ABL1: variants seen among roughly 807,000 people sequenced by gnomAD.
ABL1 encodes the protein ABL proto-oncogene 1, non-receptor tyrosine kinase, also known as tyrosine-protein kinase ABL1.
Under a neutral mutation model 94.7 loss-of-function variants are expected in ABL1, and 11 were observed. The ratio of observed to expected loss-of-function variants is 0.12; its 90% CI spans 0.07 to 0.19. ABL1 has a LOEUF of 0.19. Among genes scored for constraint, ABL1 ranks in the 10% least tolerant of loss-of-function variants. The pLI is 1.00. For synonymous variants in ABL1, 656 were observed against 622.4 expected, an observed-to-expected ratio of 1.05 and a Z score of -0.80; for missense variants, 1,082 against 1,489.4, an observed-to-expected ratio of 0.73 and a Z score of 4.50.
intron 1 of ABL1, among the ~76,000 whole-genome samples, chr9:130,836,824 CAAAAAAAA>C (rs565723193): frequency 2.6e-5 from 2 of 77,210 alleles, no homozygotes; most frequent in Admixed American, 2.6e-4. Flanking sequence ...GACTCGGTCT[CAAAAAAAA>C]AAAAAAAAAA....
chr9:130,738,508 A>G (rs1316633886), intron 1 of ABL1, among the ~76,000 whole-genome samples: 1 of 152,240 alleles, frequency 6.6e-6, no homozygotes, highest in Admixed American at 6.5e-5. Flanking sequence ...ATATTAAAAC[A>G]TGACATGAGT....
chr9:130,773,965 C>T (rs147016205), intron 1 of ABL1, among the ~76,000 whole-genome samples: 6 of 152,124 alleles, frequency 3.9e-5, no homozygotes, highest in Admixed American at 6.6e-5. Context: ...ACCTCCTTCC[C>T]GGTCCAATAC....
intron 1 of ABL1, among the ~76,000 whole-genome samples, chr9:130,788,260 A>C (rs574584358): frequency 6.6e-6 from 1 of 152,342 alleles, no homozygotes; most frequent in South Asian, 2.1e-4. Context: ...GAGAATTCCT[A>C]CATGTCCTTT....
At chr9:130,810,749 TAG>T (rs141544523) in intron 1 of ABL1, among the ~76,000 whole-genome samples, 8,696 of 149,574 alleles carry the variant, frequency 0.058, 254 homozygotes, top group South Asian at 0.11. Flanking sequence ...AAAATATATA[TAG>T]AGAGAGAAAA....
exon 1 of ABL1, chr9:130,714,364 A>G (rs1397695545): frequency 1.2e-6 from 2 of 1,613,692 alleles, no homozygotes; most frequent in African/African-American, 1.3e-5. Context: ...AAAGAAGGCC[A>G]AGCTTGCCTG....
intron 4 of ABL1, among the ~76,000 whole-genome samples, chr9:130,870,903 G>A (rs1438831072): frequency 6.6e-6 from 1 of 152,202 alleles, no homozygotes; most frequent in Non-Finnish European, 1.5e-5. Flanking sequence ...GTAAGTAAAG[G>A]TTGGCCCGTC....
At chr9:130,720,147 T>C (rs1056188418) in intron 1 of ABL1, among the ~76,000 whole-genome samples, 4 of 152,230 alleles carry the variant, frequency 2.6e-5, no homozygotes, top group Non-Finnish European at 5.9e-5. Context: ...ACTGATGATA[T>C]ATTTGTAAAC....
At chr9:130,842,973 T>C (rs933208907) in intron 1 of ABL1, among the ~76,000 whole-genome samples, 7 of 152,230 alleles carry the variant, frequency 4.6e-5, no homozygotes, top group Non-Finnish European at 8.8e-5. Flanking sequence ...ATTTTGGCCA[T>C]GGTTTATATT....
chr9:130,873,115 C>T, intron 6 of ABL1, 78 bp downstream of exon 6: 4 of 1,460,830 alleles, frequency 2.7e-6, no homozygotes, highest in South Asian at 1.3e-5. Flanking sequence ...AAAGCCCCAG[C>T]CTAGGAGGTC....
chr9:130,757,002 G>A (rs1208890687), intron 1 of ABL1, among the ~76,000 whole-genome samples: 1 of 152,094 alleles, frequency 6.6e-6, no homozygotes, highest in Non-Finnish European at 1.5e-5. Context: ...GCAGGGAGCC[G>A]ATGGAAAGGG....
At chr9:130,728,932 T>C (rs1433843553) in intron 1 of ABL1, among the ~76,000 whole-genome samples, 1 of 152,190 alleles carries the variant, frequency 6.6e-6, no homozygotes, top group Non-Finnish European at 1.5e-5. Context: ...ATGTGGGTGT[T>C]ATATTGTAGG....
At chr9:130,773,680 C>T (rs1374709200) in intron 1 of ABL1, among the ~76,000 whole-genome samples, 1 of 139,222 alleles carries the variant, frequency 7.2e-6, no homozygotes, top group Non-Finnish European at 1.5e-5. Context: ...TGGGGTTTTA[C>T]CATGTTGCCT....
chr9:130,744,803 G>A (rs1357899081), intron 1 of ABL1, among the ~76,000 whole-genome samples: 15 of 146,790 alleles, frequency 1.0e-4, no homozygotes, highest in Non-Finnish European at 1.6e-4. Flanking sequence ...CTTGCAGTGA[G>A]CCAAGATCGC....
Position 130,792,875 on chromosome 9 carries a change from A to G in ABL1, c.137-61189A>G, listed in dbSNP as rs189565366. ...GTTTCTAATCAGGTGCTTTTTCACT[A>G]ACACCATCTTGCCTCTACAAACTGA... On this transcript the variant is annotated intron_variant, in intron 1 of 10. Coordinates refer to the ABL1 transcript ENST00000372348. Among the ~76,000 whole-genome samples, 447 of 152,312 alleles carry G rather than the reference A, an allele frequency of 2.9e-3. 2 individuals carry two copies. The highest frequency in any genetic ancestry group is 0.01 in the African/African-American group (428 of 41,568).
chr9:130,878,905 T>G (rs1831400097), intron 8 of ABL1, among the ~76,000 whole-genome samples: 1 of 150,582 alleles, frequency 6.6e-6, no homozygotes, highest in Non-Finnish European at 1.5e-5. Flanking sequence ...GAGACGGAGT[T>G]TCGCTCTTGT....
chr9:130,733,661 C>G (rs1588214886), intron 1 of ABL1, among the ~76,000 whole-genome samples: 1 of 144,166 alleles, frequency 6.9e-6, no homozygotes, highest in Non-Finnish European at 1.5e-5. Context: ...TCACTGTAAG[C>G]TCCGCCACCT....
intron 1 of ABL1, among the ~76,000 whole-genome samples, chr9:130,848,639 T>C (rs1830811689): frequency 1.3e-5 from 2 of 149,968 alleles, no homozygotes; most frequent in African/African-American, 4.9e-5. Flanking sequence ...TATAGAGAAG[T>C]ATAAAGAAAA....
chr9:130,740,601 A>G (rs1246234830), intron 1 of ABL1, among the ~76,000 whole-genome samples: 1 of 152,176 alleles, frequency 6.6e-6, no homozygotes, highest in Non-Finnish European at 1.5e-5. Flanking sequence ...CTTCGAAGAA[A>G]AACAATTTTA....
intron 1 of ABL1, among the ~76,000 whole-genome samples, chr9:130,717,874 G>A (rs1331360012): frequency 3.9e-5 from 6 of 152,152 alleles, no homozygotes; most frequent in East Asian, 1.9e-4. Flanking sequence ...TTAGCCGGGC[G>A]TGGTGGCACA....
Sources: gnomAD v4.1 joint callset for allele counts (sites outside exome capture counted in the v4.1 genomes callset) on GRCh38, gnomAD v4.1.1 for gene constraint, MANE v1.5 for transcripts, NCBI Gene and HGNC (gene_info 2026-07-23, HGNC 2026-07-21) for gene names.